Variants in NEIL3 observed in about 807,000 individuals in gnomAD.
NEIL3 encodes the protein nei like DNA glycosylase 3.
A neutral mutation model predicts 57.5 loss-of-function variants in NEIL3; 48 were observed. The observed-to-expected ratio is 0.83, with a 90% confidence interval of 0.66 to 1.06. The LOEUF (loss-of-function observed/expected upper bound fraction) is 1.06. Among genes scored for constraint, NEIL3 ranks in the 50% least tolerant of loss-of-function variants. The probability of loss-of-function intolerance (pLI) is 0.00; values close to 1 mark genes in which losing one functional copy is unlikely to be tolerated. For missense variants in NEIL3, 717 were observed against 739.1 expected (o/e 0.97, Z 0.35); for synonymous variants, 261 against 253.2 (o/e 1.03, Z -0.29).
At chr4:177,349,183 C>T (rs928491489) in intron 6 of NEIL3, among the ~76,000 whole-genome samples, 4 of 151,734 alleles carry the variant, frequency 2.6e-5, no homozygotes, top group African/African-American at 9.7e-5. Context: ...CGCCCGGCCT[C>T]GTGGGTCATG....
chr4:177,341,380 G>T, intron 5 of NEIL3, 96 bp from the exon 6 acceptor site: 1 of 962,848 alleles, frequency 1.0e-6, no homozygotes, highest in Non-Finnish European at 1.5e-6. Flanking sequence ...ATTTTTAGCA[G>T]ATGATTTTCA....
chr4:177,359,297 G>T (rs945144720), intron 8 of NEIL3, among the ~76,000 whole-genome samples: 7 of 152,152 alleles, frequency 4.6e-5, no homozygotes, highest in African/African-American at 1.7e-4. Context: ...GGCTATTGAA[G>T]AAACCTTCAA....
intron 1 of NEIL3, among the ~76,000 whole-genome samples, chr4:177,320,528 T>A (rs1422258912): frequency 9.4e-5 from 13 of 138,100 alleles, no homozygotes; most frequent in Admixed American, 4.1e-4. Flanking sequence ...CCCAGGCTGG[T>A]GTGCAGTGGC....
chr4:177,310,006 T>A lies in NEIL3; in HGVS notation c.53T>A (p.Val18Glu), dbSNP rs1430557471. The A allele has an allele frequency of 6.2e-7, 1 of 1,610,076 alleles. No individual in the cohort carries two copies. The highest frequency in any genetic ancestry group is 2.2e-5 in the East Asian group (1 of 44,632). The change falls in exon 1 of 10, where the codon GTG (valine) becomes GAG (glutamate). Residue 18 changes from valine to glutamate, a missense_variant. Val to Glu is a moderately radical substitution (Grantham distance 121, BLOSUM62 -2). Coordinates refer to ENST00000264596, the MANE Select transcript of NEIL3 (RefSeq NM_018248.3). ...TLNGEKIRAR[V>E]LPGQAVTGVR... ...AATGGAGAGAAGATTCGCGCGCGGG[T>A]GCTCCCGGGCCAGGCGGTGACCGGC...
intron 1 of NEIL3, among the ~76,000 whole-genome samples, chr4:177,316,059 C>T (rs1295125943): frequency 6.6e-6 from 1 of 152,114 alleles, no homozygotes; most frequent in Admixed American, 6.5e-5. Flanking sequence ...CCTATACATA[C>T]AACCTATGTT....
At chr4:177,367,563 C>T (rs1355194732), downstream of NEIL3, among the ~76,000 whole-genome samples, 3 of 152,138 alleles carry the variant, frequency 2.0e-5, no homozygotes, top group African/African-American at 7.2e-5. Context: ...TGTCCCACAT[C>T]AACCACATTG....
At chr4:177,370,220 A>G in the NEIL3 span, among the ~76,000 whole-genome samples, 1 of 152,244 alleles carries the variant, frequency 6.6e-6, no homozygotes, top group Non-Finnish European at 1.5e-5. Flanking sequence ...TTTGAGAGCC[A>G]AAGCCTCAGA....
Position 177,339,757 on chromosome 4 carries a change from G to A in NEIL3, c.628-26G>A, listed in dbSNP as rs753204328. Reference sequence around the variant, plus strand: ...CAGTAATGAGCAAGTCATGAAACTAGGCTCTGCTGTTTTTTCCACTTCAAG... The same window carrying A: ...CAGTAATGAGCAAGTCATGAAACTAAGCTCTGCTGTTTTTTCCACTTCAAG... On this transcript the variant is annotated intron_variant, in intron 4 of 9. Coordinates refer to ENST00000264596, the MANE Select transcript of NEIL3 (RefSeq NM_018248.3). The A allele has an allele frequency of 1.4e-5, 21 of 1,511,750 alleles. 1 individual carries two copies. Among genetic ancestry groups the A allele is most frequent in the East Asian group, 1.4e-4 (6 of 44,314 alleles). 93.6% of individuals were successfully genotyped at this position (1,511,750 alleles called of 1,614,324 possible).
At position 177,343,936 on chromosome 4, in the gene NEIL3, A is replaced by G. The variant is rs34149929; in HGVS notation, c.869+2294A>G. 4.7e-3 allele frequency among the ~76,000 whole-genome samples: 713 copies of G among 152,184 alleles called. 6 individuals carry two copies. Among genetic ancestry groups the G allele is most frequent in the African/African-American group, 0.016 (665 of 41,534 alleles). On this transcript the variant is annotated intron_variant, in intron 6 of 9. Coordinates refer to ENST00000264596, the MANE Select transcript of NEIL3 (RefSeq NM_018248.3). ...CTGGCAGATAGAAGATCTTCAATAT[A>G]TATTTGTCTACTAAATAAATGATTA...
chr4:177,367,807 C>G (rs1381448922), downstream of NEIL3, among the ~76,000 whole-genome samples: 2 of 152,210 alleles, frequency 1.3e-5, no homozygotes, highest in Admixed American at 6.5e-5. Context: ...ATTTCGAGAG[C>G]CACTGTTTAT....
intron 5 of NEIL3, among the ~76,000 whole-genome samples, chr4:177,340,915 T>G (rs1735078693): frequency 6.6e-6 from 1 of 152,150 alleles, no homozygotes; most frequent in Non-Finnish European, 1.5e-5. Flanking sequence ...GCTAGGATGG[T>G]ATTTGAATGT....
chr4:177,338,850 C>T (rs975598034), intron 4 of NEIL3, among the ~76,000 whole-genome samples: 9 of 150,926 alleles, frequency 6.0e-5, no homozygotes, highest in African/African-American at 2.2e-4. Context: ...TTATATTGTT[C>T]TTGGTAATTT....
chr4:177,314,892 A>G (rs895935664), intron 1 of NEIL3, among the ~76,000 whole-genome samples: 10 of 151,256 alleles, frequency 6.6e-5, no homozygotes, highest in African/African-American at 2.4e-4. Context: ...TCTGGCTAAC[A>G]CAGTGAAACC....
intron 6 of NEIL3, among the ~76,000 whole-genome samples, chr4:177,349,034 A>ATTTTTTTTTTT (rs70938582): frequency 4.4e-3 from 441 of 100,236 alleles, no homozygotes; most frequent in African/African-American, 6.2e-3. Context: ...CACCTGGCTA[A>ATTTTTTTTTTT]TTTTTTTTTT....
chr4:177,368,625 T>C, the NEIL3 span, among the ~76,000 whole-genome samples: 1 of 152,228 alleles, frequency 6.6e-6, no homozygotes, highest in South Asian at 2.1e-4. Flanking sequence ...ATTTGGTAAA[T>C]ATTTGTTAAA....
intron 1 of NEIL3, among the ~76,000 whole-genome samples, chr4:177,318,884 C>G (rs1734624327): frequency 6.6e-6 from 1 of 152,148 alleles, no homozygotes; most frequent in Non-Finnish European, 1.5e-5. Flanking sequence ...ATGGATGCAT[C>G]CCAAGCATCT....
At chr4:177,345,458 C>A (rs1363542090) in intron 6 of NEIL3, among the ~76,000 whole-genome samples, 2 of 75,236 alleles carry the variant, frequency 2.7e-5, no homozygotes, top group Non-Finnish European at 5.6e-5. Flanking sequence ...TGTCTGCAAA[C>A]CAACTCTTTT....
intron 6 of NEIL3, among the ~76,000 whole-genome samples, chr4:177,345,738 G>A (rs34516075): frequency 0.022 from 3,074 of 138,776 alleles, 54 homozygotes; most frequent in Middle Eastern, 0.036. Context: ...CACCCAGGCC[G>A]GAGTGCAGTG....
chr4:177,321,203 T>C (rs1734678529), intron 1 of NEIL3, among the ~76,000 whole-genome samples: 2 of 152,180 alleles, frequency 1.3e-5, no homozygotes, highest in South Asian at 4.1e-4. Flanking sequence ...TTTATAATTA[T>C]ATCTTGACAT....
Sources: allele counts gnomAD v4.1 joint callset (sites outside exome capture counted in the v4.1 genomes callset), GRCh38; gene constraint gnomAD v4.1.1; transcripts MANE v1.5; gene names NCBI Gene and HGNC (gene_info 2026-07-23, HGNC 2026-07-21).